Variants in PDE3A observed in about 807,000 individuals in gnomAD.
PDE3A encodes phosphodiesterase 3A.
In PDE3A, 43 loss-of-function variants were observed where a neutral mutation model predicts 98.3. That is an observed-to-expected ratio of 0.44 (90% CI 0.34 to 0.56). The LOEUF (loss-of-function observed/expected upper bound fraction) is 0.56, where lower values mean the gene tolerates loss of function less well. Ranked by LOEUF, PDE3A falls within the 20% of genes least tolerant of loss-of-function variation. PDE3A has a pLI of 0.01. For missense variants in PDE3A, 1,427 were observed against 1,440.7 expected (o/e 0.99, Z 0.15); for synonymous variants, 663 against 567.9 (o/e 1.17, Z -2.38).
chr12:20,464,599 G>A (rs946397642), intron 1 of PDE3A, among the ~76,000 whole-genome samples: 9 of 152,238 alleles, frequency 5.9e-5, no homozygotes, highest in African/African-American at 1.9e-4. Context: ...ATGTTTTACC[G>A]TGAGCTGAAT....
intron 1 of PDE3A, among the ~76,000 whole-genome samples, chr12:20,446,966 A>G (rs965271226): frequency 1.3e-5 from 2 of 152,208 alleles, no homozygotes; most frequent in Non-Finnish European, 2.9e-5. Flanking sequence ...GAGCAAGGGC[A>G]AGAGTGTTAT....
intron 1 of PDE3A, among the ~76,000 whole-genome samples, chr12:20,392,757 G>C (rs981592389): frequency 6.6e-6 from 1 of 151,974 alleles, no homozygotes; most frequent in African/African-American, 2.4e-5. Context: ...AATAGATGCA[G>C]AACATGTGGT....
At chr12:20,392,337 C>A (rs906984918) in intron 1 of PDE3A, among the ~76,000 whole-genome samples, 4 of 151,798 alleles carry the variant, frequency 2.6e-5, no homozygotes, top group African/African-American at 9.7e-5. Flanking sequence ...AACAATTTGA[C>A]AAATTTATAA....
chr12:20,431,343 G>A (rs1457343453), intron 1 of PDE3A, among the ~76,000 whole-genome samples: 2 of 152,044 alleles, frequency 1.3e-5, no homozygotes, highest in Admixed American at 6.6e-5. Flanking sequence ...AATGTTGTTC[G>A]GCCATGTATG....
At chr12:20,423,884 TA>T (rs201577103) in intron 1 of PDE3A, among the ~76,000 whole-genome samples, 9 of 151,808 alleles carry the variant, frequency 5.9e-5, no homozygotes, top group African/African-American at 1.4e-4. Context: ...AAGGTAGATT[TA>T]AAAAAAAATT....
At chr12:20,577,580 T>G (rs1942965544) in intron 2 of PDE3A, among the ~76,000 whole-genome samples, 1 of 152,222 alleles carries the variant, frequency 6.6e-6, no homozygotes, top group Non-Finnish European at 1.5e-5. Flanking sequence ...TCCAGCTGGC[T>G]TAGCCCCAAA....
At chr12:20,446,984 G>A (rs976563762) in intron 1 of PDE3A, among the ~76,000 whole-genome samples, 11 of 152,168 alleles carry the variant, frequency 7.2e-5, no homozygotes, top group South Asian at 4.1e-4. Flanking sequence ...TATGATAAGA[G>A]GTCCTGAAGG....
chr12:20,579,551 T>C (rs1004474506), intron 2 of PDE3A, among the ~76,000 whole-genome samples: 1 of 152,182 alleles, frequency 6.6e-6, no homozygotes, highest in African/African-American at 2.4e-5. Flanking sequence ...AGGTCCTTCA[T>C]CTACCTTCGA....
rs974608662 is a variant in PDE3A at position 20,621,366 on chromosome 12, A to G, written c.1495A>G (p.Ile499Val). 1 of 1,612,360 alleles carries G rather than the reference A, an allele frequency of 6.2e-7. No homozygotes were observed. The highest frequency in any genetic ancestry group is 2.2e-5 in the East Asian group (1 of 44,796). The change falls in exon 5 of 16, where the codon ATT (isoleucine) becomes GTT (valine). Residue 499 changes from isoleucine (I) to valine (V), a missense_variant. Ile to Val is a conservative substitution (Grantham distance 29). Coordinates refer to ENST00000359062, the MANE Select transcript of PDE3A (RefSeq NM_000921.5). The stretch of plus-strand genomic sequence containing the variant: ...CAGATCCTTTACTTCATCCTATGCT[A>G]TTTCTGCAGCTAACCATGTAAAGGC... ...KSRSFTSSYAISAANHVKAKK... is the reference protein window; with the variant it reads ...KSRSFTSSYAVSAANHVKAKK...
At chr12:20,568,320 T>C (rs1942712135) in intron 2 of PDE3A, among the ~76,000 whole-genome samples, 1 of 152,006 alleles carries the variant, frequency 6.6e-6, no homozygotes, top group Non-Finnish European at 1.5e-5. Context: ...ATTTAAAACA[T>C]CAACTATTTT....
chr12:20,374,986 C>T (rs10841499), intron 1 of PDE3A, among the ~76,000 whole-genome samples: 28,348 of 151,758 alleles, frequency 0.19, 2,863 homozygotes, highest in East Asian at 0.35. Context: ...CTTATGCTCC[C>T]GGAAGTGATG....
At chr12:20,507,025 T>C (rs1946130945) in intron 1 of PDE3A, among the ~76,000 whole-genome samples, 1 of 152,128 alleles carries the variant, frequency 6.6e-6, no homozygotes, top group Admixed American at 6.6e-5. Flanking sequence ...TATAAAAGGT[T>C]ATTAAATTTA....
chr12:20,483,113 T>G lies in PDE3A; in HGVS notation c.961-73547T>G, dbSNP rs142410299. On this transcript the variant is annotated intron_variant, in intron 1 of 15. Coordinates refer to ENST00000359062, the MANE Select transcript of PDE3A (RefSeq NM_000921.5). ...CATCTCAAAACTTCTAAAAGAGGCC[T>G]TACGCGGTAGCTCACTCCTGTAATC... 6.8e-4 allele frequency among the ~76,000 whole-genome samples: 104 copies of G among 151,938 alleles called. 1 individual carries two copies. In the East Asian group the frequency reaches 0.018, roughly 26 times the overall value.
At chr12:20,537,259 A>G (rs949167705) in intron 1 of PDE3A, among the ~76,000 whole-genome samples, 1 of 151,846 alleles carries the variant, frequency 6.6e-6, no homozygotes, top group African/African-American at 2.4e-5. Flanking sequence ...TTTTCTTTTC[A>G]TTATTGAAGT....
chr12:20,424,516 T>C (rs532971233), intron 1 of PDE3A, among the ~76,000 whole-genome samples: 1 of 152,318 alleles, frequency 6.6e-6, no homozygotes, highest in East Asian at 1.9e-4. Flanking sequence ...TAAAAATTTT[T>C]ATTGCAAATT....
chr12:20,516,267 A>G (rs987509018), intron 1 of PDE3A, among the ~76,000 whole-genome samples: 1 of 151,970 alleles, frequency 6.6e-6, no homozygotes, highest in African/African-American at 2.4e-5. Context: ...AGATAGTGAT[A>G]CCTCCAGGTC....
chr12:20,673,570 A>G (rs1215662773), intron 15 of PDE3A, among the ~76,000 whole-genome samples: 1 of 150,434 alleles, frequency 6.6e-6, no homozygotes, highest in African/African-American at 2.5e-5. Flanking sequence ...TGAAATTGGA[A>G]AACATCATTC....
chr12:20,541,075 CTTTTTTTTTTTTTTTTTT>C (rs777927679), intron 1 of PDE3A, among the ~76,000 whole-genome samples: 309 of 52,990 alleles, frequency 5.8e-3, no homozygotes, highest in African/African-American at 0.017. Flanking sequence ...TGGTAACTTT[CTTTTTTTTTTTTTTTTTT>C]TTTTTTTTTT....
At chr12:20,522,268 G>A (rs1027808975) in intron 1 of PDE3A, among the ~76,000 whole-genome samples, 1 of 152,198 alleles carries the variant, frequency 6.6e-6, no homozygotes, top group Non-Finnish European at 1.5e-5. Context: ...CTGTAGAGCA[G>A]TGTTTTTCAA....
Sources: allele counts gnomAD v4.1 joint callset (sites outside exome capture counted in the v4.1 genomes callset), GRCh38; gene constraint gnomAD v4.1.1; transcripts MANE v1.5; gene names NCBI Gene and HGNC (gene_info 2026-07-23, HGNC 2026-07-21).